ST6GALNAC3: variants seen among roughly 807,000 people sequenced by gnomAD.
ST6GALNAC3 encodes alpha-N-acetylgalactosaminide alpha-2,6-sialyltransferase 3.
A neutral mutation model predicts 32.7 loss-of-function variants in ST6GALNAC3; 25 were observed. The observed-to-expected ratio is 0.76, with a 90% confidence interval of 0.56 to 1.07. The LOEUF (loss-of-function observed/expected upper bound fraction) is 1.07, where lower values mean the gene tolerates loss of function less well. Ranked by LOEUF, ST6GALNAC3 falls within the 50% of genes least tolerant of loss-of-function variation. The pLI, the probability that ST6GALNAC3 is intolerant of heterozygous loss-of-function variation, is 0.00. For missense variants in ST6GALNAC3, 355 were observed against 382.4 expected (o/e 0.93, Z 0.60); for synonymous variants, 129 against 133.1 (o/e 0.97, Z 0.21).
chr1:76,352,647 C>A (rs1649090398), intron 2 of ST6GALNAC3, among the ~76,000 whole-genome samples: 1 of 152,004 alleles, frequency 6.6e-6, no homozygotes, highest in Non-Finnish European at 1.5e-5. Context: ...TAACTTTATA[C>A]CTCCAGCCCT....
At chr1:76,422,036 A>G (rs376389617) in intron 3 of ST6GALNAC3, among the ~76,000 whole-genome samples, 1 of 151,754 alleles carries the variant, frequency 6.6e-6, no homozygotes, top group Non-Finnish European at 1.5e-5. Flanking sequence ...ACCTTCTAAC[A>G]TTCTATATAA....
intron 1 of ST6GALNAC3, among the ~76,000 whole-genome samples, chr1:76,242,680 C>T (rs980458204): frequency 6.6e-6 from 1 of 152,126 alleles, no homozygotes; most frequent in African/African-American, 2.4e-5. Context: ...TGTTCACTCC[C>T]ACTTATGAGT....
intron 3 of ST6GALNAC3, among the ~76,000 whole-genome samples, chr1:76,604,658 T>C (rs1647406995): frequency 6.6e-6 from 1 of 152,224 alleles, no homozygotes; most frequent in African/African-American, 2.4e-5. Context: ...AGACTCATAC[T>C]CTAAATTCAT....
At chr1:76,383,280 A>T (rs989075214) in intron 2 of ST6GALNAC3, among the ~76,000 whole-genome samples, 3 of 151,970 alleles carry the variant, frequency 2.0e-5, no homozygotes, top group Non-Finnish European at 2.9e-5. Flanking sequence ...TATTTTTTTT[A>T]AAGTTGTAGA....
At chr1:76,560,827 C>T (rs563502000) in intron 3 of ST6GALNAC3, among the ~76,000 whole-genome samples, 6 of 152,088 alleles carry the variant, frequency 3.9e-5, no homozygotes, top group Non-Finnish European at 8.8e-5. Flanking sequence ...GCAATCCCAC[C>T]GCTGGGTATA....
At chr1:76,454,822 G>T (rs1166956229) in intron 3 of ST6GALNAC3, among the ~76,000 whole-genome samples, 1 of 150,418 alleles carries the variant, frequency 6.6e-6, no homozygotes, top group Non-Finnish European at 1.5e-5. Flanking sequence ...CTTTTTAAAT[G>T]AATTGTGCTA....
At chr1:76,102,618 G>C (rs1647273042) in intron 1 of ST6GALNAC3, among the ~76,000 whole-genome samples, 1 of 151,844 alleles carries the variant, frequency 6.6e-6, no homozygotes, top group Non-Finnish European at 1.5e-5. Flanking sequence ...AGAGATTATA[G>C]TATGCATCTT....
intron 3 of ST6GALNAC3, among the ~76,000 whole-genome samples, chr1:76,423,481 A>G (rs1342492300): frequency 6.6e-6 from 1 of 151,990 alleles, no homozygotes; most frequent in African/African-American, 2.4e-5. Context: ...AGAAGCATTG[A>G]AAAAGAACAG....
intron 3 of ST6GALNAC3, among the ~76,000 whole-genome samples, chr1:76,559,561 T>G (rs1665124982): frequency 6.6e-6 from 1 of 152,156 alleles, no homozygotes; most frequent in Non-Finnish European, 1.5e-5. Flanking sequence ...CTTCAAAGGG[T>G]ACCATCAAGA....
Position 76,628,346 on chromosome 1 carries a change from A to G in ST6GALNAC3, c.732-274A>G, listed in dbSNP as rs111409593. The stretch of plus-strand genomic sequence containing the variant: ...CAAGAGGCTATCTAAAGTTTCTTCA[A>G]TTATACACCATTTCCTTTTCAAAAG... On this transcript the variant is annotated intron_variant, in intron 4 of 4. Coordinates refer to ENST00000328299, the MANE Select transcript of ST6GALNAC3 (RefSeq NM_152996.4). Among the ~76,000 whole-genome samples the G allele has an allele frequency of 8.0e-3, 1,212 of 152,100 alleles. 24 individuals carry two copies. Among genetic ancestry groups the G allele is most frequent in the African/African-American group, 0.027 (1,113 of 41,534 alleles).
intron 3 of ST6GALNAC3, among the ~76,000 whole-genome samples, chr1:76,619,776 A>G (rs1359801436): frequency 6.6e-6 from 1 of 152,130 alleles, no homozygotes; most frequent in East Asian, 1.9e-4. Context: ...AGGTTAGGGG[A>G]TAGATCAGAA....
At chr1:76,292,087 G>A (rs1310831015) in intron 1 of ST6GALNAC3, among the ~76,000 whole-genome samples, 2 of 152,198 alleles carry the variant, frequency 1.3e-5, no homozygotes, top group Non-Finnish European at 1.5e-5. Context: ...AGCTCTCCAA[G>A]ATAATTCTTG....
At chr1:76,356,766 A>G (rs890397100) in intron 2 of ST6GALNAC3, among the ~76,000 whole-genome samples, 1 of 152,234 alleles carries the variant, frequency 6.6e-6, no homozygotes, top group African/African-American at 2.4e-5. Flanking sequence ...GATAATGCAC[A>G]GGGATCTTCG....
At chr1:76,397,895 T>C (rs1017819867) in intron 2 of ST6GALNAC3, among the ~76,000 whole-genome samples, 1 of 152,164 alleles carries the variant, frequency 6.6e-6, no homozygotes, top group East Asian at 1.9e-4. Flanking sequence ...TAATAGTTTT[T>C]CTCTGGTTGC....
chr1:76,258,247 A>AT (rs1304090239), intron 1 of ST6GALNAC3, among the ~76,000 whole-genome samples: 2 of 152,108 alleles, frequency 1.3e-5, no homozygotes, highest in Non-Finnish European at 2.9e-5. Context: ...GTTAAGTTTA[A>AT]TTTTTTTGAA....
rs1646788620 is a variant in ST6GALNAC3, at chr1:76,074,793, T to G, written c.-74T>G. ...GAGAGGTCCTGCCGTGGTACCAGCCTCCAGCCTGCCCCCAGGACTGCCCCT... is the reference window on the plus strand; with the variant it reads ...GAGAGGTCCTGCCGTGGTACCAGCCGCCAGCCTGCCCCCAGGACTGCCCCT... On this transcript the variant is annotated 5_prime_UTR_variant, in exon 1 of 5. Transcript: ENST00000328299. The G allele has an allele frequency of 6.5e-7, 1 of 1,534,114 alleles. No homozygotes were observed. The highest frequency in any genetic ancestry group is 1.2e-5 in the South Asian group (1 of 83,724).
At chr1:76,078,788 T>C (rs1348347486) in intron 1 of ST6GALNAC3, among the ~76,000 whole-genome samples, 1 of 151,986 alleles carries the variant, frequency 6.6e-6, no homozygotes, top group African/African-American at 2.4e-5. Context: ...TTATTATTAT[T>C]ATTTTTTTTT....
At chr1:76,157,442 C>T (rs1209794697) in intron 1 of ST6GALNAC3, among the ~76,000 whole-genome samples, 2 of 152,292 alleles carry the variant, frequency 1.3e-5, no homozygotes, top group African/African-American at 4.8e-5. Context: ...TTAACTTATA[C>T]CCCCATGGAA....
intron 3 of ST6GALNAC3, among the ~76,000 whole-genome samples, chr1:76,621,262 G>T (rs1228008986): frequency 6.6e-6 from 1 of 152,034 alleles, no homozygotes; most frequent in African/African-American, 2.4e-5. Flanking sequence ...TGGGATAGAA[G>T]TACAGTCTTC....
Sources: allele counts gnomAD v4.1 joint callset (sites outside exome capture counted in the v4.1 genomes callset), GRCh38; gene constraint gnomAD v4.1.1; transcripts MANE v1.5; gene names NCBI Gene and HGNC (gene_info 2026-07-23, HGNC 2026-07-21).